The following SOCS5 variants were observed in gnomAD, a reference collection of about 807,000 sequenced individuals.
SOCS5 encodes the protein suppressor of cytokine signaling 5.
Under a neutral mutation model 42.8 loss-of-function variants are expected in SOCS5, and 32 were observed. The ratio of observed to expected loss-of-function variants is 0.75; its 90% CI spans 0.56 to 1.01. The LOEUF is 1.01. SOCS5 is among the 50% of genes least tolerant of loss of function. The pLI, the probability that SOCS5 is intolerant of heterozygous loss-of-function variation, is 0.00. For missense variants in SOCS5, 627 were observed against 653.0 expected (o/e 0.96, Z 0.43); for synonymous variants, 283 against 229.6 (o/e 1.23, Z -2.10).
intron 1 of SOCS5, among the ~76,000 whole-genome samples, chr2:46,722,606 G>C (rs1354345315): frequency 6.6e-6 from 1 of 152,110 alleles, no homozygotes; most frequent in Non-Finnish European, 1.5e-5. Context: ...GTTATTTCCA[G>C]TTTGGAGCAA....
At chr2:46,740,912 C>T (rs10167561) in intron 1 of SOCS5, among the ~76,000 whole-genome samples, 108,971 of 152,042 alleles carry the variant, frequency 0.72, 39,742 homozygotes, top group African/African-American at 0.83. Context: ...CATACACACC[C>T]ACATTTGAGT....
At chr2:46,709,783 A>C (rs1672575496) in intron 1 of SOCS5, among the ~76,000 whole-genome samples, 1 of 152,252 alleles carries the variant, frequency 6.6e-6, no homozygotes, top group Non-Finnish European at 1.5e-5. Flanking sequence ...AACATAATTT[A>C]AATAGCAATT....
chr2:46,758,842 A>G lies in SOCS5; in HGVS notation c.312A>G (p.Pro104=), dbSNP rs1673788293. The G allele has an allele frequency of 6.2e-7, 1 of 1,614,044 alleles. No homozygotes were observed. The highest frequency in any genetic ancestry group is 8.5e-7 in the Non-Finnish European group (1 of 1,179,890). The change falls in exon 2 of 2, where the codon CCA becomes CCG. Residue 104 remains proline, a synonymous_variant. Coordinates refer to ENST00000394861, the MANE Select transcript of SOCS5 (RefSeq NM_144949.3). The part of the protein sequence containing the change: ...IEKDNDSCVT[P]GTRLARRDSY... Reference sequence around the variant, plus strand: ...AGGATAATGATTCTTGTGTTACCCCAGGAACAAGACTTGCACGAAGAGATT... The same window carrying G: ...AGGATAATGATTCTTGTGTTACCCCGGGAACAAGACTTGCACGAAGAGATT...
At chr2:46,756,778 G>T (rs1673740038) in intron 1 of SOCS5, among the ~76,000 whole-genome samples, 1 of 152,122 alleles carries the variant, frequency 6.6e-6, no homozygotes, top group African/African-American at 2.4e-5. Flanking sequence ...AATACGGCAG[G>T]AATTCGACTG....
intron 1 of SOCS5, among the ~76,000 whole-genome samples, chr2:46,742,272 A>G (rs1442115091): frequency 2.6e-5 from 4 of 152,064 alleles, no homozygotes; most frequent in Non-Finnish European, 5.9e-5. Flanking sequence ...TTAAATAGAG[A>G]CAGGTCTTGC....
Position 46,758,779 on chromosome 2 carries a change from C to A in SOCS5, c.249C>A (p.Ala83=), listed in dbSNP as rs762501510. Residue 83 remains alanine, a synonymous_variant, in exon 2 of 2, where the codon GCC becomes GCA. Coordinates refer to ENST00000394861, the MANE Select transcript of SOCS5 (RefSeq NM_144949.3). ...KNSSRRNQNC[A]TEIPQIVEIS... is the part of the protein sequence containing the mutation. Reference sequence around the variant, plus strand: ...CTTCAAGGAGAAATCAAAATTGTGCCACAGAAATCCCTCAAATTGTTGAAA... The same window carrying A: ...CTTCAAGGAGAAATCAAAATTGTGCAACAGAAATCCCTCAAATTGTTGAAA... 1 of 1,614,136 alleles carries A rather than the reference C, an allele frequency of 6.2e-7. No individual in the cohort carries two copies. The highest frequency in any genetic ancestry group is 1.1e-5 in the South Asian group (1 of 91,078).
At chr2:46,746,867 C>G (rs1306656713) in intron 1 of SOCS5, among the ~76,000 whole-genome samples, 1 of 147,662 alleles carries the variant, frequency 6.8e-6, no homozygotes, top group South Asian at 2.2e-4. Context: ...TAGACAATCA[C>G]ATCATCAGAA....
Position 46,699,993 on chromosome 2 carries a change from C to T in SOCS5, c.-13+544C>T, listed in dbSNP as rs1447905981. On this transcript the variant is annotated intron_variant, in intron 1 of 1. Coordinates refer to ENST00000394861, the MANE Select transcript of SOCS5 (RefSeq NM_144949.3). The surrounding 1 kb of genome is among the most constrained non-coding windows in gnomAD (Gnocchi z 4.8). ...CATATGTGGGAAATGAATTGAGTGC[C>T]CCGGGAGGTTTAACTAACCAAGGTG... Among the ~76,000 whole-genome samples, 4 of 151,960 alleles carry T rather than the reference C, an allele frequency of 2.6e-5. No individual in the cohort carries two copies. Among genetic ancestry groups the T allele is most frequent in the Non-Finnish European group, 5.9e-5 (4 of 68,006 alleles).
chr2:46,734,191 GT>G (rs1226926961), intron 1 of SOCS5, among the ~76,000 whole-genome samples: 1 of 151,838 alleles, frequency 6.6e-6, no homozygotes, highest in Non-Finnish European at 1.5e-5. Flanking sequence ...GACACTGGTG[GT>G]TTTTTTTAAT....
Position 46,740,492 on chromosome 2 carries a change from A to AT in SOCS5, c.-12-18025dup, listed in dbSNP as rs368635241. Among the ~76,000 whole-genome samples the AT allele has an allele frequency of 3.8e-3, 586 of 152,290 alleles. 4 individuals are homozygous for AT. The highest frequency in any genetic ancestry group is 6.0e-3 in the Non-Finnish European group (411 of 68,022). On this transcript the variant is annotated intron_variant, in intron 1 of 1. Coordinates refer to ENST00000394861, the MANE Select transcript of SOCS5 (RefSeq NM_144949.3). ...ATAAAACTCACAAAAAGAAATAGAG[A>AT]TTGGCAGTTAAGTATTGGAAGCAGA... is the stretch of plus-strand genomic sequence containing the variant.
intron 1 of SOCS5, among the ~76,000 whole-genome samples, chr2:46,752,652 T>C (rs753535925): frequency 6.6e-6 from 1 of 152,222 alleles, no homozygotes; most frequent in Non-Finnish European, 1.5e-5. Flanking sequence ...CAAGTAGCTA[T>C]AGTTGATCAT....
chr2:46,717,322 G>A (rs2103706802), intron 1 of SOCS5, among the ~76,000 whole-genome samples: 1 of 152,100 alleles, frequency 6.6e-6, no homozygotes, highest in Non-Finnish European at 1.5e-5. Context: ...CCCCTTGCTT[G>A]TTTTCCTTCT....
intron 1 of SOCS5, among the ~76,000 whole-genome samples, chr2:46,705,990 A>G (rs565099270): frequency 6.6e-6 from 1 of 152,350 alleles, no homozygotes; most frequent in East Asian, 1.9e-4. Flanking sequence ...AAGGGGATCC[A>G]GAAGTTATGT....
At chr2:46,748,375 G>A (rs1023132112) in intron 1 of SOCS5, among the ~76,000 whole-genome samples, 1 of 151,786 alleles carries the variant, frequency 6.6e-6, no homozygotes, top group Non-Finnish European at 1.5e-5. Context: ...TTATTGTAGA[G>A]ACAGGGTCTG....
rs1270264809 is a variant in SOCS5, at chr2:46,719,614, G to C, written c.-13+20165G>C. ...TTCTCAGTAAAATATTATGTTTGAC[G>C]TCTGTATCCCTGGCATCTTAAGCAT... On this transcript the variant is annotated intron_variant, in intron 1 of 1. Transcript: ENST00000394861. 3.3e-5 allele frequency among the ~76,000 whole-genome samples: 5 copies of C among 152,136 alleles called. 1 individual carries two copies. The highest frequency in any genetic ancestry group is 7.3e-5 in the Non-Finnish European group (5 of 68,040).
chr2:46,744,045 A>C (rs1673442328), intron 1 of SOCS5, among the ~76,000 whole-genome samples: 1 of 151,686 alleles, frequency 6.6e-6, no homozygotes, highest in Non-Finnish European at 1.5e-5. Flanking sequence ...GCTAGAGTGC[A>C]GTGGCGCAAT....
chr2:46,731,408 A>G (rs893332840), intron 1 of SOCS5, among the ~76,000 whole-genome samples: 2 of 152,204 alleles, frequency 1.3e-5, no homozygotes, highest in African/African-American at 4.8e-5. Context: ...CTCCAGAACT[A>G]TGAGAAATAC....
chr2:46,708,097 T>C (rs1672536980), intron 1 of SOCS5, among the ~76,000 whole-genome samples: 1 of 152,222 alleles, frequency 6.6e-6, no homozygotes, highest in Admixed American at 6.5e-5. Flanking sequence ...GAAGCAATTC[T>C]CTTTGGCTTG....
At chr2:46,722,292 A>G (rs866268778) in intron 1 of SOCS5, among the ~76,000 whole-genome samples, 1 of 150,174 alleles carries the variant, frequency 6.7e-6, no homozygotes, top group Non-Finnish European at 1.5e-5. Context: ...CACATGCTCA[A>G]AGGATTTAAG....
Sources: allele counts gnomAD v4.1 joint callset (sites outside exome capture counted in the v4.1 genomes callset), GRCh38; gene constraint gnomAD v4.1.1; non-coding constraint Gnocchi (gnomAD v3.1); transcripts MANE v1.5; gene names NCBI Gene and HGNC (gene_info 2026-07-23, HGNC 2026-07-21).